The following TBC1D22A variants were observed in gnomAD, a reference collection of about 807,000 sequenced individuals.
TBC1D22A encodes the protein TBC1 domain family member 22A, also known as putative GTPase activator.
Under a neutral mutation model 60.2 loss-of-function variants are expected in TBC1D22A, and 38 were observed. That is an observed-to-expected ratio of 0.63 (90% CI 0.49 to 0.83). The LOEUF (loss-of-function observed/expected upper bound fraction) is 0.83. Ranked by LOEUF, TBC1D22A falls within the 40% of genes least tolerant of loss-of-function variation. TBC1D22A has a pLI of 0.00. For synonymous variants in TBC1D22A, 302 were observed against 281.7 expected, an observed-to-expected ratio of 1.07 and a Z score of -0.72; for missense variants, 628 against 701.0, an observed-to-expected ratio of 0.90 and a Z score of 1.18.
chr22:46,907,747 A>G (rs1227147126), intron 7 of TBC1D22A, among the ~76,000 whole-genome samples: 1 of 152,182 alleles, frequency 6.6e-6, no homozygotes. Context: ...CTTCCCAGGG[A>G]CCCACCTTGA....
Position 46,852,914 on chromosome 22 carries a change from C to T in TBC1D22A, c.638-25739C>T, listed in dbSNP as rs561086027. Among the ~76,000 whole-genome samples the T allele has an allele frequency of 7.9e-5, 12 of 152,296 alleles. No individual in the cohort carries two copies. The East Asian group carries it at 9.7e-4, about 12-fold the overall frequency. On this transcript the variant is annotated intron_variant, in intron 4 of 12. Coordinates refer to ENST00000337137, the MANE Select transcript of TBC1D22A (RefSeq NM_014346.5). ...CATCTCTGCCGACTGAGGTCCGTTC[C>T]GTTTCTTGCATGAAGAGCCTGGTTT...
At chr22:46,827,878 G>A (rs16995758) in intron 4 of TBC1D22A, among the ~76,000 whole-genome samples, 4 of 152,148 alleles carry the variant, frequency 2.6e-5, no homozygotes, top group African/African-American at 7.2e-5. Context: ...TCTCAACCAC[G>A]TGAGCAGCGT....
chr22:46,956,178 A>C (rs984432763), intron 8 of TBC1D22A, among the ~76,000 whole-genome samples: 6 of 152,226 alleles, frequency 3.9e-5, no homozygotes, highest in Admixed American at 1.3e-4. Flanking sequence ...TTGAAGTCCT[A>C]ACCCCTAATA....
intron 5 of TBC1D22A, among the ~76,000 whole-genome samples, chr22:46,884,048 C>T (rs1009813054): frequency 3.9e-5 from 6 of 152,214 alleles, no homozygotes; most frequent in African/African-American, 7.2e-5. Context: ...ACTGAGGTTC[C>T]GTTGTGGGGC....
intron 12 of TBC1D22A, among the ~76,000 whole-genome samples, chr22:47,165,049 C>T (rs1159156965): frequency 3.3e-5 from 5 of 152,160 alleles, no homozygotes; most frequent in African/African-American, 1.2e-4. Context: ...TCACTCCAGC[C>T]TCTCCACAGG....
chr22:47,120,218 GA>G (rs1052926604), intron 12 of TBC1D22A, among the ~76,000 whole-genome samples: 18 of 151,998 alleles, frequency 1.2e-4, no homozygotes, highest in East Asian at 9.7e-4. Flanking sequence ...TTAATGAAAA[GA>G]AAAAAACTTC....
chr22:46,849,982 C>G (rs1460065868), intron 4 of TBC1D22A, among the ~76,000 whole-genome samples: 2 of 152,188 alleles, frequency 1.3e-5, no homozygotes, highest in African/African-American at 4.8e-5. Flanking sequence ...GTTATGGTTG[C>G]TACCTGGGGA....
At chr22:47,085,362 A>AT (rs1182598379) in intron 11 of TBC1D22A, among the ~76,000 whole-genome samples, 1 of 152,120 alleles carries the variant, frequency 6.6e-6, no homozygotes, top group Admixed American at 6.5e-5. Flanking sequence ...TTGATCATGA[A>AT]TTTTTTCCAG....
At chr22:46,804,315 A>G (rs1486022056) in intron 4 of TBC1D22A, among the ~76,000 whole-genome samples, 1 of 152,252 alleles carries the variant, frequency 6.6e-6, no homozygotes, top group African/African-American at 2.4e-5. Context: ...CATTAACGGA[A>G]ATGTTATTGA....
intron 11 of TBC1D22A, among the ~76,000 whole-genome samples, chr22:47,099,225 C>T (rs1398447786): frequency 6.6e-6 from 1 of 152,150 alleles, no homozygotes; most frequent in Non-Finnish European, 1.5e-5. Context: ...AGGGCATACA[C>T]AGAGGGAAGG....
At chr22:47,073,024 T>C (rs2147519142) in intron 11 of TBC1D22A, among the ~76,000 whole-genome samples, 1 of 152,352 alleles carries the variant, frequency 6.6e-6, no homozygotes, top group Non-Finnish European at 1.5e-5. Context: ...ATTAAAGGCT[T>C]TCTTTTGGGG....
intron 4 of TBC1D22A, among the ~76,000 whole-genome samples, chr22:46,811,077 G>C (rs2085356893): frequency 6.6e-6 from 1 of 152,208 alleles, no homozygotes; most frequent in Non-Finnish European, 1.5e-5. Context: ...CTGGGTGCAG[G>C]GCAGCAGACT....
intron 9 of TBC1D22A, among the ~76,000 whole-genome samples, chr22:46,978,062 TGGCTGGA>T (rs1396918649): frequency 6.6e-6 from 1 of 152,208 alleles, no homozygotes; most frequent in East Asian, 1.9e-4. Context: ...CTGACTCCAC[TGGCTGGA>T]GGGAATTGTC....
intron 10 of TBC1D22A, among the ~76,000 whole-genome samples, chr22:47,015,475 A>C (rs2061878778): frequency 6.6e-6 from 1 of 152,204 alleles, no homozygotes; most frequent in South Asian, 2.1e-4. Context: ...ATTTCGAGGA[A>C]ACCTGCAATT....
intron 4 of TBC1D22A, among the ~76,000 whole-genome samples, chr22:46,815,590 C>T (rs920966756): frequency 2.0e-5 from 3 of 152,238 alleles, no homozygotes; most frequent in African/African-American, 7.2e-5. Context: ...CACTTGTTTG[C>T]TCACTCATGA....
intron 9 of TBC1D22A, among the ~76,000 whole-genome samples, chr22:46,997,013 A>G (rs2075143066): frequency 6.6e-6 from 1 of 152,208 alleles, no homozygotes; most frequent in Admixed American, 6.5e-5. Context: ...CTGGGGCCCC[A>G]TTCCTGGGCT....
intron 10 of TBC1D22A, among the ~76,000 whole-genome samples, chr22:47,022,357 C>T (rs2062119659): frequency 6.6e-6 from 1 of 152,158 alleles, no homozygotes; most frequent in African/African-American, 2.4e-5. Flanking sequence ...GGGTGAGCTC[C>T]ATGATTGCAT....
At chr22:47,146,234 C>T (rs1451821604) in intron 12 of TBC1D22A, among the ~76,000 whole-genome samples, 1 of 152,314 alleles carries the variant, frequency 6.6e-6, no homozygotes, top group East Asian at 1.9e-4. Context: ...CAGGGCTCCT[C>T]GCTGTGTTCT....
chr22:47,014,891 C>T (rs1212498842), intron 10 of TBC1D22A, among the ~76,000 whole-genome samples: 2 of 152,238 alleles, frequency 1.3e-5, no homozygotes, highest in Non-Finnish European at 2.9e-5. Context: ...CCTTGGGACA[C>T]GCCCAGCTAC....
Sources: allele counts gnomAD v4.1 joint callset (sites outside exome capture counted in the v4.1 genomes callset), GRCh38; gene constraint gnomAD v4.1.1; transcripts MANE v1.5; gene names NCBI Gene and HGNC (gene_info 2026-07-23, HGNC 2026-07-21).